Variants in FARP1 observed in about 807,000 individuals in gnomAD.
FARP1 encodes FERM, ARHGEF and pleckstrin domain-containing protein 1.
FARP1 carries 52 observed loss-of-function variants against 128.8 expected under a neutral mutation model. The observed-to-expected ratio is 0.40, with a 90% CI of 0.32 to 0.51. FARP1 has a LOEUF of 0.51. Among genes scored for constraint, FARP1 ranks in the 20% least tolerant of loss-of-function variants. The probability of loss-of-function intolerance (pLI) is 0.45; values close to 1 mark genes in which losing one functional copy is unlikely to be tolerated. For synonymous variants in FARP1, 580 were observed against 551.8 expected, an observed-to-expected ratio of 1.05 and a Z score of -0.72; for missense variants, 1,333 against 1,367.9, an observed-to-expected ratio of 0.97 and a Z score of 0.40.
At chr13:98,253,401 A>G (rs1304164114) in intron 2 of FARP1, among the ~76,000 whole-genome samples, 1 of 152,230 alleles carries the variant, frequency 6.6e-6, no homozygotes, top group African/African-American at 2.4e-5. Context: ...TAGCAACCGC[A>G]TGAGTCAGAT....
intron 17 of FARP1, among the ~76,000 whole-genome samples, chr13:98,426,438 C>G (rs569942811): frequency 1.3e-5 from 2 of 152,276 alleles, no homozygotes; most frequent in African/African-American, 4.8e-5. Flanking sequence ...TGCAGTGAGC[C>G]ATGATCGCGC....
At chr13:98,147,292 A>C (rs1392282559) in intron 1 of FARP1, among the ~76,000 whole-genome samples, 2 of 152,208 alleles carry the variant, frequency 1.3e-5, no homozygotes, top group Admixed American at 1.3e-4. Context: ...TGCTGCCTGC[A>C]AACTGTTAAC....
At chr13:98,399,862 CTTG>C (rs1398555390) in intron 13 of FARP1, 1 of 152,172 alleles carries the variant, frequency 6.6e-6, no homozygotes, top group Admixed American at 6.5e-5. Context: ...TTTGCTGCCG[CTTG>C]TTAAGGGCAA....
chr13:98,246,963 C>T (rs1257371008), intron 2 of FARP1, among the ~76,000 whole-genome samples: 4 of 152,226 alleles, frequency 2.6e-5, no homozygotes, highest in African/African-American at 7.2e-5. Context: ...CAGTTGCTCA[C>T]GCCTGTAATC....
At chr13:98,361,018 G>A (rs1217246167) in intron 3 of FARP1, among the ~76,000 whole-genome samples, 3 of 152,208 alleles carry the variant, frequency 2.0e-5, no homozygotes, top group African/African-American at 7.2e-5. Flanking sequence ...GACTAGCCCA[G>A]GATGACCTAG....
At chr13:98,409,717 T>C (rs1162450933) in intron 14 of FARP1, among the ~76,000 whole-genome samples, 192 bp downstream of exon 14, 1 of 152,216 alleles carries the variant, frequency 6.6e-6, no homozygotes. Flanking sequence ...CCAGAACTTA[T>C]CTTCCCAAAC....
intron 1 of FARP1, among the ~76,000 whole-genome samples, chr13:98,202,340 C>T (rs1420925814): frequency 1.3e-5 from 2 of 152,216 alleles, no homozygotes; most frequent in Admixed American, 6.5e-5. Flanking sequence ...TTTGCCCTCA[C>T]TCAATGGCAC....
intron 1 of FARP1, among the ~76,000 whole-genome samples, chr13:98,186,969 G>A (rs571118965): frequency 7.9e-6 from 1 of 127,280 alleles, no homozygotes; most frequent in South Asian, 2.7e-4. Context: ...TCTAGCCTGG[G>A]AGATGGAGCG....
At chr13:98,268,181 A>G (rs1223677682) in intron 2 of FARP1, among the ~76,000 whole-genome samples, 1 of 152,214 alleles carries the variant, frequency 6.6e-6, no homozygotes, top group Admixed American at 6.5e-5. Context: ...TCCAGAGATG[A>G]AATTTTATTG....
rs539183844 is a variant in FARP1 at position 98,146,472 on chromosome 13, C to T, written c.-24+2980C>T. Among the ~76,000 whole-genome samples the T allele has an allele frequency of 2.6e-5, 4 of 152,330 alleles. No individual in the cohort carries two copies. In the South Asian group the frequency reaches 8.3e-4, roughly 32 times the overall value. ...TGAACTCCTGACCTCAGGTGATTTG[C>T]CCGCTTCGGCCTCTCAAAGTGCTGG... On this transcript the variant is annotated intron_variant, in intron 1 of 26. Coordinates refer to ENST00000319562, the MANE Select transcript of FARP1 (RefSeq NM_005766.4).
chr13:98,440,752 C>T lies in FARP1; in HGVS notation c.2712C>T (p.Ala904=). 1.9e-6 allele frequency: 3 copies of T among 1,613,420 alleles called. No individual in the cohort carries two copies. The highest frequency in any genetic ancestry group is 1.1e-5 in the South Asian group (1 of 91,076). ...CGCGCACATCGCTGGAGCGCCAGGC[C>T]CCGCACCGCGGCAACACAATGGTGC... is the stretch of plus-strand genomic sequence containing the variant. The part of the protein sequence containing the change: ...SASRTSLERQ[A]PHRGNTMVHV... The change falls in exon 24 of 27, where the codon GCC becomes GCT. Residue 904 remains alanine (A), a synonymous_variant. Coordinates refer to ENST00000319562, the MANE Select transcript of FARP1 (RefSeq NM_005766.4).
chr13:98,418,722 G>C (rs1566306164), intron 16 of FARP1, among the ~76,000 whole-genome samples: 2 of 152,218 alleles, frequency 1.3e-5, no homozygotes. Flanking sequence ...TTGCAGGTGG[G>C]TTTCTACTAG....
At chr13:98,156,066 T>C (rs1249147509) in intron 1 of FARP1, among the ~76,000 whole-genome samples, 2 of 152,198 alleles carry the variant, frequency 1.3e-5, no homozygotes, top group Non-Finnish European at 2.9e-5. Flanking sequence ...CAATCCCCGT[T>C]TCCTCCCATA....
At chr13:98,419,510 A>ACG (rs1891513465) in intron 16 of FARP1, among the ~76,000 whole-genome samples, 1 of 150,616 alleles carries the variant, frequency 6.6e-6, no homozygotes, top group Non-Finnish European at 1.5e-5. Flanking sequence ...ACACACACAC[A>ACG]CACACACTCT....
chr13:98,314,568 G>A (rs1190352500), intron 2 of FARP1, among the ~76,000 whole-genome samples: 2 of 151,976 alleles, frequency 1.3e-5, no homozygotes, highest in African/African-American at 4.8e-5. Flanking sequence ...ATGAGCCACC[G>A]TGCCCAGCCT....
rs533321380 is a variant in FARP1, at chr13:98,327,204, T to C, written c.172-16558T>C. Among the ~76,000 whole-genome samples, 28 of 152,362 alleles carry C rather than the reference T, an allele frequency of 1.8e-4. No homozygotes were observed. In the South Asian group the frequency reaches 5.8e-3, roughly 32 times the overall value. ...TGCTTGCATTGCTTTTTCAGAAACC[T>C]CTCTCTGTTTTCCAATACGGCTTTT... On this transcript the variant is annotated intron_variant, in intron 2 of 26. Transcript: ENST00000319562.
intron 2 of FARP1, among the ~76,000 whole-genome samples, chr13:98,235,416 A>G (rs1290300181): frequency 1.3e-5 from 2 of 152,200 alleles, no homozygotes; most frequent in African/African-American, 4.8e-5. Flanking sequence ...GAATTCCATT[A>G]TGCCTGATGT....
intron 2 of FARP1, among the ~76,000 whole-genome samples, chr13:98,320,814 G>A (rs1020726065): frequency 6.6e-6 from 1 of 152,114 alleles, no homozygotes; most frequent in Non-Finnish European, 1.5e-5. Flanking sequence ...GACGAGATCC[G>A]GTTTAGATAG....
rs756463187 is a variant in FARP1, at chr13:98,176,730, C to T, written c.-24+33238C>T. On this transcript the variant is annotated intron_variant, in intron 1 of 26. Coordinates refer to ENST00000319562, the MANE Select transcript of FARP1 (RefSeq NM_005766.4). The surrounding 1 kb of genome is among the most constrained non-coding windows in gnomAD (Gnocchi z 6.2). The stretch of plus-strand genomic sequence containing the variant: ...GTATGGGGCCCTTCCTCGCCATCCC[C>T]GAGGAGGAGTTGCCCATGGACGTGT... The T allele has an allele frequency of 9.9e-6, 16 of 1,614,036 alleles. No homozygotes were observed. In the East Asian group the frequency reaches 3.3e-4, roughly 34 times the overall value.
Sources: gnomAD v4.1 joint callset for allele counts (sites outside exome capture counted in the v4.1 genomes callset) on GRCh38, gnomAD v4.1.1 for gene constraint, Gnocchi (gnomAD v3.1) non-coding constraint, MANE v1.5 for transcripts, NCBI Gene and HGNC (gene_info 2026-07-23, HGNC 2026-07-21) for gene names.